The following NCOA3 variants were observed in gnomAD, a reference collection of about 807,000 sequenced individuals.
NCOA3 encodes CBP-interacting protein.
A neutral mutation model predicts 158.8 loss-of-function variants in NCOA3; 51 were observed. The ratio of observed to expected loss-of-function variants is 0.32; its 90% CI spans 0.26 to 0.41. The LOEUF is 0.41. Among genes scored for constraint, NCOA3 ranks in the 10% least tolerant of loss-of-function variants. The probability of loss-of-function intolerance (pLI) is 1.00; values close to 1 mark genes in which losing one functional copy is unlikely to be tolerated. For synonymous variants in NCOA3, 537 were observed against 592.4 expected (o/e 0.91, Z 1.36); for missense variants, 1,510 against 1,746.6 (o/e 0.86, Z 2.41).
intron 2 of NCOA3, among the ~76,000 whole-genome samples, chr20:47,600,110 TTGTGTGTGTGTGTGTGTG>T (rs11472351): frequency 7.0e-5 from 10 of 143,036 alleles, no homozygotes; most frequent in Admixed American, 1.4e-4. Flanking sequence ...CTCACTTCCT[TTGTGTGTGTGTGTGTGTG>T]TGTGTGTGTG....
Position 47,627,710 on chromosome 20 carries a change from G to T in NCOA3, c.682G>T (p.Ala228Ser), listed in dbSNP as rs748020033. The change falls in exon 7 of 23, where the codon GCC becomes TCC. Residue 228 changes from alanine to serine, a missense_variant. By Grantham distance (99) the Ala-to-Ser change is moderately conservative. This residue lies in a region of NCOA3 where 309 missense variants were observed against 427.1 expected (regional missense o/e 0.72). Coordinates refer to ENST00000371998, the MANE Select transcript of NCOA3 (RefSeq NM_181659.3). The part of the protein sequence containing the change: ...RQRYETMQCF[A>S]LSQPRAMMEE... The stretch of plus-strand genomic sequence containing the variant: ...GAGATATGAAACAATGCAGTGCTTT[G>T]CCCTGTCTCAGCCACGAGCTATGAT... 1.2e-6 allele frequency: 2 copies of T among 1,613,968 alleles called. No individual in the cohort carries two copies. The highest frequency in any genetic ancestry group is 1.7e-6 in the Non-Finnish European group (2 of 1,180,010).
intron 1 of NCOA3, among the ~76,000 whole-genome samples, chr20:47,505,829 TCTCA>T (rs1464131365): frequency 2.3e-5 from 3 of 128,506 alleles, no homozygotes; most frequent in African/African-American, 8.9e-5. Context: ...TGAGACAGAG[TCTCA>T]CTCTGTTGCT....
intron 2 of NCOA3, among the ~76,000 whole-genome samples, chr20:47,584,107 C>T (rs1299866867): frequency 2.0e-5 from 3 of 152,162 alleles, no homozygotes; most frequent in Non-Finnish European, 2.9e-5. Context: ...CCAGCCTAAA[C>T]AACACAGTAA....
At position 47,649,203 on chromosome 20, in the gene NCOA3, G is replaced by A. The variant is rs915592395; in HGVS notation, c.3651+94G>A. 3 of 645,614 alleles carry A rather than the reference G, an allele frequency of 4.6e-6. No individual in the cohort carries two copies. The African/African-American group carries it at 5.6e-5, about 12-fold the overall frequency. The allele number at this position is 645,614 out of a possible 1,614,324, so 40.0% of individuals were successfully genotyped here. On this transcript the variant is annotated intron_variant, in intron 19 of 22. Coordinates refer to ENST00000371998, the MANE Select transcript of NCOA3 (RefSeq NM_181659.3). ...CTCAGTAAATGTTTGTTAAACAAAT[G>A]AAGGTAATTCTGAATTTCTTGTGTA... is the stretch of plus-strand genomic sequence containing the variant.
Position 47,625,427 on chromosome 20 carries a change from T to C in NCOA3, c.303T>C (p.Ser101=), listed in dbSNP as rs2086306301. ...ATGATGTTCAAAAAGCCGATGTATC[T>C]TCTACAGGGCAGGGAGTTATTGATA... ...NDDDVQKADV[S]STGQGVIDKD... The change falls in exon 5 of 23, where the codon TCT becomes TCC. Residue 101 remains serine (S), a synonymous_variant. Coordinates refer to ENST00000371998, the MANE Select transcript of NCOA3 (RefSeq NM_181659.3). 1.2e-6 allele frequency: 2 copies of C among 1,613,786 alleles called. No individual in the cohort carries two copies. The highest frequency in any genetic ancestry group is 1.7e-6 in the Non-Finnish European group (2 of 1,179,888).
At position 47,653,570 on chromosome 20, in the gene NCOA3, A is replaced by G; in HGVS notation, c.*153A>G. On this transcript the variant is annotated 3_prime_UTR_variant, in exon 23 of 23. Coordinates refer to ENST00000371998, the MANE Select transcript of NCOA3 (RefSeq NM_181659.3). ...GTATTTTAAGTGATGTCATTTGAGC[A>G]GGACTGGATTTTAAGCCGAAGGGCA... 1.1e-6 allele frequency: 1 copy of G among 914,944 alleles called. No individual in the cohort carries two copies. The highest frequency in any genetic ancestry group is 2.2e-5 in the Admixed American group (1 of 44,872). 56.7% of individuals were successfully genotyped at this position (914,944 alleles called of 1,614,324 possible).
intron 1 of NCOA3, among the ~76,000 whole-genome samples, chr20:47,515,817 T>C (rs769177384): frequency 6.2e-4 from 94 of 152,294 alleles, no homozygotes; most frequent in Non-Finnish European, 1.2e-3. Context: ...AAGTGGTAGC[T>C]TTTCTGTGGT....
intron 1 of NCOA3, among the ~76,000 whole-genome samples, chr20:47,521,726 G>T (rs2084337599): frequency 6.6e-6 from 1 of 152,146 alleles, no homozygotes; most frequent in African/African-American, 2.4e-5. Flanking sequence ...AGAAGGCAAA[G>T]AATTGAACAT....
At position 47,584,258 on chromosome 20, in the gene NCOA3, A is replaced by G. The variant is rs567327523; in HGVS notation, c.-20+997A>G. ...TGCAGTGAGCTATGACTGCACCACT[A>G]CACTTCAGCATGGGCAACAGTATGA... On this transcript the variant is annotated intron_variant, in intron 2 of 22. Coordinates refer to ENST00000371998, the MANE Select transcript of NCOA3 (RefSeq NM_181659.3). 5.3e-5 allele frequency among the ~76,000 whole-genome samples: 8 copies of G among 152,268 alleles called. 2 individuals are homozygous for G. The highest frequency in any genetic ancestry group is 1.9e-4 in the African/African-American group (8 of 41,568).
At position 47,526,580 on chromosome 20, in the gene NCOA3, G is replaced by A. The variant is rs548175828; in HGVS notation, c.-99+24561G>A. 7.0e-4 allele frequency among the ~76,000 whole-genome samples: 106 copies of A among 152,328 alleles called. 2 individuals carry two copies. Among genetic ancestry groups the A allele is most frequent in the African/African-American group, 2.4e-3 (98 of 41,578 alleles). ...TGGAGACTAGCCCGGCCAACACAGC[G>A]AAACCCCGTCTCCACCAAAAAAATA... On this transcript the variant is annotated intron_variant, in intron 1 of 22. Coordinates refer to ENST00000371998, the MANE Select transcript of NCOA3 (RefSeq NM_181659.3).
At chr20:47,648,881 C>T (rs776325028) in intron 18 of NCOA3, 124 bp from the exon 19 acceptor site, 3 of 612,328 alleles carry the variant, frequency 4.9e-6, no homozygotes, top group Non-Finnish European at 2.9e-6. Context: ...TCAGTTTAGA[C>T]GTGACTTAGC....
chr20:47,591,353 TA>T (rs1170837360), intron 2 of NCOA3, among the ~76,000 whole-genome samples: 1 of 152,250 alleles, frequency 6.6e-6, no homozygotes, highest in South Asian at 2.1e-4. Context: ...GAGTATTTCA[TA>T]AATTATCAAG....
intron 1 of NCOA3, among the ~76,000 whole-genome samples, chr20:47,503,030 C>T (rs2090045417): frequency 6.6e-6 from 1 of 152,288 alleles, no homozygotes; most frequent in South Asian, 2.1e-4. Context: ...TCAAAACCAA[C>T]CTGTTTTTGT....
Position 47,635,372 on chromosome 20 carries a change from G to C in NCOA3, c.1163G>C (p.Arg388Thr), listed in dbSNP as rs759901423. Reference protein sequence around the residue: ...PNPNPVGQGIRPPMAGCNSSV... With the variant: ...PNPNPVGQGITPPMAGCNSSV... The stretch of plus-strand genomic sequence containing the variant: ...CCAAATCCTGTTGGACAAGGGATTA[G>C]ACCACCTATGGCTGGATGCAACAGT... The change falls in exon 11 of 23, where the codon AGA becomes ACA. Residue 388 changes from arginine to threonine, a missense_variant. Arg to Thr is a moderately conservative substitution (Grantham distance 71). This residue lies in a region of NCOA3 where 1,017 missense variants were observed against 1,098.3 expected (regional missense o/e 0.93). Transcript: ENST00000371998. The C allele has an allele frequency of 1.2e-6, 2 of 1,612,818 alleles. No homozygotes were observed. Among genetic ancestry groups the C allele is most frequent in the South Asian group, 2.2e-5 (2 of 91,064 alleles).
intron 2 of NCOA3, among the ~76,000 whole-genome samples, chr20:47,621,944 T>C (rs1395392107): frequency 5.9e-5 from 9 of 152,136 alleles, no homozygotes; most frequent in Admixed American, 5.9e-4. Context: ...CCCAAAGTGC[T>C]GGGACTACAG....
At chr20:47,515,399 C>G (rs927984230) in intron 1 of NCOA3, among the ~76,000 whole-genome samples, 1 of 151,322 alleles carries the variant, frequency 6.6e-6, no homozygotes, top group Non-Finnish European at 1.5e-5. Flanking sequence ...TGATCCACCC[C>G]CCTCGGCCTC....
chr20:47,651,734 G>C (rs2086797231), intron 20 of NCOA3, among the ~76,000 whole-genome samples: 1 of 151,798 alleles, frequency 6.6e-6, no homozygotes, highest in African/African-American at 2.4e-5. Context: ...GTGCGATCTT[G>C]GCTCACTGCA....
chr20:47,532,099 TA>T (rs1467338228), intron 1 of NCOA3, among the ~76,000 whole-genome samples: 2 of 136,338 alleles, frequency 1.5e-5, no homozygotes, highest in Non-Finnish European at 3.2e-5. Flanking sequence ...TAAAACTTTG[TA>T]GGGGGGGACT....
At chr20:47,542,755 A>C (rs1200710390) in intron 1 of NCOA3, among the ~76,000 whole-genome samples, 2 of 152,140 alleles carry the variant, frequency 1.3e-5, no homozygotes, top group African/African-American at 4.8e-5. Context: ...TGAGCCCCGG[A>C]GTTTGAGACC....
Sources: allele counts gnomAD v4.1 joint callset (sites outside exome capture counted in the v4.1 genomes callset), GRCh38; gene constraint gnomAD v4.1.1; regional missense constraint gnomAD v4.1.1; transcripts MANE v1.5; gene names NCBI Gene and HGNC (gene_info 2026-07-23, HGNC 2026-07-21).